The following EFNA5 variants were observed in gnomAD, a reference collection of about 807,000 sequenced individuals.
EFNA5 encodes ephrin-A5.
EFNA5 carries 5 observed loss-of-function variants against 22.9 expected under a neutral mutation model. The ratio of observed to expected loss-of-function variants is 0.22; its 90% CI spans 0.11 to 0.46. The LOEUF (loss-of-function observed/expected upper bound fraction) is 0.46, where lower values mean the gene tolerates loss of function less well. Ranked by LOEUF, EFNA5 falls within the 20% of genes least tolerant of loss-of-function variation. The pLI is 0.99. For missense variants in EFNA5, 237 were observed against 293.3 expected (o/e 0.81, Z 1.40); for synonymous variants, 113 against 112.2 (o/e 1.01, Z -0.04).
At chr5:107,666,270 G>C (rs1375393648) in intron 1 of EFNA5, among the ~76,000 whole-genome samples, 1 of 151,542 alleles carries the variant, frequency 6.6e-6, no homozygotes, top group Non-Finnish European at 1.5e-5. Context: ...TTTTTAAATG[G>C]AGCAACTAAA....
chr5:107,439,142 A>G (rs1749190554), intron 1 of EFNA5, among the ~76,000 whole-genome samples: 1 of 152,118 alleles, frequency 6.6e-6, no homozygotes. Flanking sequence ...TTTTGGAAGT[A>G]ATTAAGGTTA....
At chr5:107,422,159 T>C (rs1748685266) in intron 2 of EFNA5, among the ~76,000 whole-genome samples, 1 of 152,240 alleles carries the variant, frequency 6.6e-6, no homozygotes, top group Non-Finnish European at 1.5e-5. Flanking sequence ...TGTGAACCTT[T>C]TTCAAGTTAC....
At chr5:107,512,705 C>A (rs1747396881) in intron 1 of EFNA5, among the ~76,000 whole-genome samples, 1 of 152,096 alleles carries the variant, frequency 6.6e-6, no homozygotes, top group Admixed American at 6.5e-5. Flanking sequence ...GCAGCAATCA[C>A]CGAGAATGCT....
At chr5:107,599,531 T>C (rs1300074462) in intron 1 of EFNA5, among the ~76,000 whole-genome samples, 3 of 152,174 alleles carry the variant, frequency 2.0e-5, no homozygotes, top group Non-Finnish European at 4.4e-5. Flanking sequence ...TCTCACTCTG[T>C]ATCTTTTTCT....
intron 1 of EFNA5, among the ~76,000 whole-genome samples, chr5:107,458,835 G>A (rs1749761616): frequency 6.6e-6 from 1 of 152,046 alleles, no homozygotes; most frequent in Non-Finnish European, 1.5e-5. Context: ...ATCATCCATT[G>A]TACATCAGGG....
intron 1 of EFNA5, among the ~76,000 whole-genome samples, chr5:107,531,862 G>A (rs1425627592): frequency 6.6e-6 from 1 of 152,176 alleles, no homozygotes; most frequent in Non-Finnish European, 1.5e-5. Flanking sequence ...AATTTCTGCT[G>A]CTGGCTGCAA....
intron 1 of EFNA5, among the ~76,000 whole-genome samples, chr5:107,554,515 T>C (rs1561431301): frequency 6.6e-6 from 1 of 152,084 alleles, no homozygotes; most frequent in Non-Finnish European, 1.5e-5. Flanking sequence ...CAATAATAAG[T>C]AATGGTGAGG....
chr5:107,434,748 C>A (rs1269532045), intron 1 of EFNA5, among the ~76,000 whole-genome samples: 1 of 152,120 alleles, frequency 6.6e-6, no homozygotes, highest in Admixed American at 6.6e-5. Context: ...TACTTTCATC[C>A]CCCTTCACAT....
chr5:107,649,106 G>C (rs1436832064), intron 1 of EFNA5, among the ~76,000 whole-genome samples: 2 of 152,050 alleles, frequency 1.3e-5, no homozygotes, highest in East Asian at 3.9e-4. Flanking sequence ...ATAGTGTCAA[G>C]GCCTTACCAC....
chr5:107,588,393 TC>T (rs1448835883), intron 1 of EFNA5, among the ~76,000 whole-genome samples: 1 of 152,166 alleles, frequency 6.6e-6, no homozygotes, highest in African/African-American at 2.4e-5. Flanking sequence ...GTGATGTTCA[TC>T]CCCTATTTAT....
At chr5:107,490,868 G>A (rs1422289413) in intron 1 of EFNA5, among the ~76,000 whole-genome samples, 1 of 152,106 alleles carries the variant, frequency 6.6e-6, no homozygotes, top group Non-Finnish European at 1.5e-5. Context: ...TTAACCATTA[G>A]GGCAGTATTA....
chr5:107,625,718 A>C (rs185960690), intron 1 of EFNA5, among the ~76,000 whole-genome samples: 1 of 152,194 alleles, frequency 6.6e-6, no homozygotes, highest in Non-Finnish European at 1.5e-5. Flanking sequence ...ACCAATTGTG[A>C]AATTAAAATA....
chr5:107,637,996 G>A (rs534220317), intron 1 of EFNA5, among the ~76,000 whole-genome samples: 5,412 of 148,242 alleles, frequency 0.037, 147 homozygotes, highest in South Asian at 0.078. Flanking sequence ...ACACGCACCT[G>A]CCACCACGCC....
At chr5:107,450,194 AT>A (rs1749523437) in intron 1 of EFNA5, among the ~76,000 whole-genome samples, 1 of 152,148 alleles carries the variant, frequency 6.6e-6, no homozygotes, top group Non-Finnish European at 1.5e-5. Context: ...CCACACAAAA[AT>A]TTTTTGGTCA....
At chr5:107,644,427 T>C (rs891024527) in intron 1 of EFNA5, among the ~76,000 whole-genome samples, 1 of 152,176 alleles carries the variant, frequency 6.6e-6, no homozygotes, top group Non-Finnish European at 1.5e-5. Flanking sequence ...TTCAAATTAG[T>C]GAACAAAACA....
intron 1 of EFNA5, among the ~76,000 whole-genome samples, chr5:107,502,799 A>C (rs1747164917): frequency 6.6e-6 from 1 of 152,142 alleles, no homozygotes. Flanking sequence ...CAATACAGAG[A>C]GCTGGCAGAT....
At chr5:107,531,304 G>C (rs1173346240) in intron 1 of EFNA5, among the ~76,000 whole-genome samples, 2 of 152,152 alleles carry the variant, frequency 1.3e-5, no homozygotes, top group Admixed American at 6.6e-5. Flanking sequence ...AACCAATGCT[G>C]TACATTTTAA....
At chr5:107,441,858 T>G (rs1255116225) in intron 1 of EFNA5, among the ~76,000 whole-genome samples, 1 of 152,176 alleles carries the variant, frequency 6.6e-6, no homozygotes, top group Non-Finnish European at 1.5e-5. Flanking sequence ...GAAAATTGTG[T>G]TGATTCTAAT....
At chr5:107,587,076 C>T (rs1009560540) in intron 1 of EFNA5, among the ~76,000 whole-genome samples, 1 of 152,136 alleles carries the variant, frequency 6.6e-6, no homozygotes, top group Non-Finnish European at 1.5e-5. Context: ...TCACCTATGT[C>T]TCAGTAAAAT....
Sources: gnomAD v4.1 joint callset for allele counts (sites outside exome capture counted in the v4.1 genomes callset) on GRCh38, gnomAD v4.1.1 for gene constraint, MANE v1.5 for transcripts, NCBI Gene and HGNC (gene_info 2026-07-23, HGNC 2026-07-21) for gene names.